CRHR1: variants seen among roughly 807,000 people sequenced by gnomAD.
CRHR1 encodes corticotropin releasing hormone receptor 1.
A neutral mutation model predicts 56.0 loss-of-function variants in CRHR1; 28 were observed. The observed-to-expected ratio is 0.50, with a 90% confidence interval of 0.37 to 0.69. The LOEUF is 0.69. Among genes scored for constraint, CRHR1 ranks in the 30% least tolerant of loss-of-function variants. The pLI, the probability that CRHR1 is intolerant of heterozygous loss-of-function variation, is 0.00. For synonymous variants in CRHR1, 195 were observed against 216.5 expected (o/e 0.90, Z 0.87); for missense variants, 376 against 548.0 (o/e 0.69, Z 3.13).
chr17:45,828,825 G>A (rs2062224946), intron 4 of CRHR1, among the ~76,000 whole-genome samples: 1 of 152,218 alleles, frequency 6.6e-6, no homozygotes, highest in Non-Finnish European at 1.5e-5. Context: ...CGGGAGTTTG[G>A]TGTCTCTGCA....
intron 4 of CRHR1, among the ~76,000 whole-genome samples, chr17:45,823,494 A>G (rs1026093773): frequency 7.8e-6 from 1 of 127,980 alleles, no homozygotes; most frequent in Non-Finnish European, 1.6e-5. Flanking sequence ...TGCAACCTCC[A>G]CCTCCCTGGT....
At chr17:45,811,099 G>A (rs551302058) in intron 2 of CRHR1, among the ~76,000 whole-genome samples, 9 of 152,368 alleles carry the variant, frequency 5.9e-5, no homozygotes, top group African/African-American at 1.7e-4. Flanking sequence ...GAGACCCGAC[G>A]TAACTGGGAC....
intron 4 of CRHR1, among the ~76,000 whole-genome samples, chr17:45,827,332 T>C (rs2062186511): frequency 6.6e-6 from 1 of 152,252 alleles, no homozygotes; most frequent in Admixed American, 6.5e-5. Context: ...CCGCCCAGCC[T>C]GGGCCTGTGA....
chr17:45,798,528 G>GGGAAAAAA (rs1205109958), intron 1 of CRHR1, among the ~76,000 whole-genome samples: 1 of 113,620 alleles, frequency 8.8e-6, no homozygotes. Flanking sequence ...TCCGTCTCGG[G>GGGAAAAAA]AAAAAAAAAA....
intron 3 of CRHR1, among the ~76,000 whole-genome samples, chr17:45,818,236 T>G (rs2316764): frequency 0.14 from 21,769 of 152,256 alleles, 2,136 homozygotes; most frequent in Middle Eastern, 0.22. Context: ...GGCCTCCGTG[T>G]TCAGGCTGCT....
intron 1 of CRHR1, among the ~76,000 whole-genome samples, chr17:45,792,717 G>A (rs1040557474): frequency 2.0e-5 from 3 of 152,110 alleles, no homozygotes; most frequent in African/African-American, 7.2e-5. Flanking sequence ...CCCGTCCCCT[G>A]GTGTGAGCCT....
At chr17:45,804,672 G>A (rs1054206657) in intron 1 of CRHR1, among the ~76,000 whole-genome samples, 1 of 152,084 alleles carries the variant, frequency 6.6e-6, no homozygotes, top group African/African-American at 2.4e-5. Context: ...GGAGTCCAGG[G>A]AAGAGAGGAT....
rs190043685 is a variant in CRHR1, at chr17:45,792,455, A to C, written c.33+7878A>C. 9.0e-4 allele frequency among the ~76,000 whole-genome samples: 137 copies of C among 151,988 alleles called. 1 individual carries two copies. The highest frequency in any genetic ancestry group is 3.0e-3 in the African/African-American group (125 of 41,432). On this transcript the variant is annotated intron_variant, in intron 1 of 12. Transcript: ENST00000314537. ...AGGGGAAAGAACCTGATGCTCCCCT[A>C]ATCTCTTGCTCCTCACTCCTGGCCC...
intron 1 of CRHR1, among the ~76,000 whole-genome samples, chr17:45,794,590 ACT>A (rs935101757): frequency 3.3e-4 from 50 of 151,974 alleles, no homozygotes; most frequent in African/African-American, 1.2e-3. Context: ...GGAGGAGGAA[ACT>A]CTTTGGTTTA....
intron 2 of CRHR1, 123 bp from the exon 3 acceptor site, chr17:45,816,340 C>CT: frequency 7.5e-7 from 1 of 1,325,988 alleles, no homozygotes; most frequent in Non-Finnish European, 1.0e-6. Flanking sequence ...TGTTGTCATC[C>CT]TGTCCCTAGC....
At chr17:45,816,755 A>G (rs1201793224) in intron 3 of CRHR1, among the ~76,000 whole-genome samples, 173 bp downstream of exon 3, 2 of 152,118 alleles carry the variant, frequency 1.3e-5, no homozygotes, top group Non-Finnish European at 2.9e-5. Context: ...TGTGCTCATT[A>G]CTCGTGATTC....
At chr17:45,821,274 T>G in intron 3 of CRHR1, 81 bp from the exon 4 acceptor site, 3 of 1,260,536 alleles carry the variant, frequency 2.4e-6, no homozygotes, top group Non-Finnish European at 3.5e-6. Context: ...TACAGATCCA[T>G]CTACGCATCC....
At chr17:45,819,305 G>A (rs2061991194) in intron 3 of CRHR1, among the ~76,000 whole-genome samples, 1 of 152,260 alleles carries the variant, frequency 6.6e-6, no homozygotes, top group African/African-American at 2.4e-5. Flanking sequence ...AGAGGAGGAA[G>A]CTGACAGGTT....
chr17:45,786,042 A>G (rs546733277), intron 1 of CRHR1, among the ~76,000 whole-genome samples: 6 of 152,316 alleles, frequency 3.9e-5, no homozygotes, highest in Non-Finnish European at 7.3e-5. Flanking sequence ...CGTGTACCGA[A>G]GCCTGGTCTA....
chr17:45,834,477 CTG>C, intron 12 of CRHR1, 145 bp from the exon 13 acceptor site: 1 of 854,982 alleles, frequency 1.2e-6, no homozygotes, highest in Non-Finnish European at 1.7e-6. Flanking sequence ...CGTGTTAAGG[CTG>C]TGAGTGTCAT....
chr17:45,833,039 C>A, intron 8 of CRHR1, 99 bp from the exon 9 acceptor site: 1 of 1,083,782 alleles, frequency 9.2e-7, no homozygotes, highest in Non-Finnish European at 1.4e-6. Flanking sequence ...ACCTCTTGGC[C>A]TCCAGCCCCA....
rs996363885 is a variant in CRHR1, at chr17:45,833,964, A to G, written c.1066-43A>G. The G allele has an allele frequency of 5.0e-6, 8 of 1,613,544 alleles. No homozygotes were observed. The African/African-American group carries it at 1.1e-4, about 22-fold the overall frequency. On this transcript the variant is annotated intron_variant, in intron 11 of 12. Transcript: ENST00000314537. Reference sequence around the variant, plus strand: ...GGGGCAGCCCAGAGGCTGGGTGGGCAACACCTGCAGCCGACCTTTGACGCC... The same window carrying G: ...GGGGCAGCCCAGAGGCTGGGTGGGCGACACCTGCAGCCGACCTTTGACGCC...
rs575932367 is a variant in CRHR1 at position 45,829,410 on chromosome 17, G to A, written c.434+89G>A. The A allele has an allele frequency of 2.9e-5, 40 of 1,386,536 alleles. No homozygotes were observed. In the African/African-American group the frequency reaches 4.6e-4, roughly 16 times the overall value. The allele number at this position is 1,386,536 out of a possible 1,614,324, so 85.9% of individuals were successfully genotyped here. A position where few individuals can be genotyped will look rare whatever the true frequency, so the allele number is the denominator to read the frequency against. ...AGTGAGAGGAGCAGCTCTAGGTTGG[G>A]GTGGGGGTTGCTGGGAGAGGGTGGC... On this transcript the variant is annotated intron_variant, in intron 5 of 12. Transcript: ENST00000314537.
intron 1 of CRHR1, among the ~76,000 whole-genome samples, chr17:45,806,269 G>C (rs1358271410): frequency 6.6e-6 from 1 of 152,230 alleles, no homozygotes; most frequent in African/African-American, 2.4e-5. Flanking sequence ...TCTGGAATCA[G>C]AGTGACACGG....
Sources: allele counts gnomAD v4.1 joint callset (sites outside exome capture counted in the v4.1 genomes callset), GRCh38; gene constraint gnomAD v4.1.1; transcripts MANE v1.5; gene names NCBI Gene and HGNC (gene_info 2026-07-23, HGNC 2026-07-21).